Variants in DERA observed in about 807,000 individuals in gnomAD.
DERA encodes 2-deoxy-D-ribose 5-phosphate aldolase.
Under a neutral mutation model 41.1 loss-of-function variants are expected in DERA, and 15 were observed. That is an observed-to-expected ratio of 0.37 (90% CI 0.24 to 0.56). DERA has a LOEUF of 0.56. DERA is among the 20% of genes least tolerant of loss of function. The pLI, the probability that DERA is intolerant of heterozygous loss-of-function variation, is 0.81. For missense variants in DERA, 396 were observed against 403.4 expected (o/e 0.98, Z 0.16); for synonymous variants, 139 against 137.4 (o/e 1.01, Z -0.08).
chr12:16,032,446 C>A, intron 6 of DERA, 96 bp from the exon 7 acceptor site: 2 of 699,736 alleles, frequency 2.9e-6, no homozygotes, highest in Non-Finnish European at 2.3e-6. Flanking sequence ...TGGGTTTCTT[C>A]GGGAAAAAAT....
chr12:15,975,425 A>G (rs7971611), intron 5 of DERA, among the ~76,000 whole-genome samples: 94,774 of 152,006 alleles, frequency 0.62, 29,906 homozygotes, highest in East Asian at 0.82. Context: ...TCAAGCATTG[A>G]TCTTAGGAGC....
At chr12:16,025,539 C>A (rs1325053555) in intron 6 of DERA, among the ~76,000 whole-genome samples, 1 of 151,796 alleles carries the variant, frequency 6.6e-6, no homozygotes, top group Non-Finnish European at 1.5e-5. Context: ...AGCCACAGAG[C>A]ATCAAAATAT....
intron 1 of DERA, among the ~76,000 whole-genome samples, chr12:15,925,044 G>A (rs11056719): frequency 0.095 from 14,387 of 152,150 alleles, 2,271 homozygotes; most frequent in African/African-American, 0.32. Context: ...AAGTTAGAAT[G>A]GCCTTTTACT....
rs1024381832 is a variant in DERA at position 15,965,467 on chromosome 12, A to G, written c.508+2520A>G. 5.9e-5 allele frequency among the ~76,000 whole-genome samples: 9 copies of G among 152,170 alleles called. No homozygotes were observed. Among genetic ancestry groups the G allele is most frequent in the East Asian group, 3.9e-4 (2 of 5,176 alleles). On this transcript the variant is annotated intron_variant, in intron 5 of 8. Coordinates refer to ENST00000428559, the MANE Select transcript of DERA (RefSeq NM_015954.4). The surrounding 1 kb of genome is among the most constrained non-coding windows in gnomAD (Gnocchi z 4.1). The stretch of plus-strand genomic sequence containing the variant: ...CACTACCTGCCTCCACCCTCCCCCA[A>G]CAGGCCCCACTGTGTGTTGTTCCCC...
At position 15,993,532 on chromosome 12, in the gene DERA, A is replaced by G. The variant is rs1948816284; in HGVS notation, c.637+11096A>G. On this transcript the variant is annotated intron_variant, in intron 6 of 8. Transcript: ENST00000428559. The surrounding 1 kb of genome is among the most constrained non-coding windows in gnomAD (Gnocchi z 4.4). Reference sequence around the variant, plus strand: ...GATCTTGCCTTTCATAGGAAAAAGCATTTAATTTATGAAAAGGTATGCTAC... The same window carrying G: ...GATCTTGCCTTTCATAGGAAAAAGCGTTTAATTTATGAAAAGGTATGCTAC... 6.6e-6 allele frequency among the ~76,000 whole-genome samples: 1 copy of G among 150,820 alleles called. No homozygotes were observed. Among genetic ancestry groups the G allele is most frequent in the African/African-American group, 2.4e-5 (1 of 41,044 alleles).
chr12:15,927,151 A>G (rs745592259), intron 1 of DERA, among the ~76,000 whole-genome samples: 1 of 152,238 alleles, frequency 6.6e-6, no homozygotes, highest in African/African-American at 2.4e-5. Context: ...TGAAAGGGAG[A>G]TGCTCTTCAT....
In DERA at chr12:15,957,954, GAAA is replaced by G. The variant is rs886904452; in HGVS notation, c.130-228_130-226del. Among the ~76,000 whole-genome samples, 1 of 151,800 alleles carries G rather than the reference GAAA, an allele frequency of 6.6e-6. No individual in the cohort carries two copies. The highest frequency in any genetic ancestry group is 1.5e-5 in the Non-Finnish European group (1 of 67,938). ...GTTTCAATTTGGGATATCTGTGGGA[GAAA>G]AAAAATGTTTAAGCCTACTCTTCCT... On this transcript the variant is annotated intron_variant, in intron 2 of 8. Coordinates refer to ENST00000428559, the MANE Select transcript of DERA (RefSeq NM_015954.4). This position sits in a 1 kb window ranked among gnomAD's most constrained non-coding sequence, Gnocchi z 4.8.
chr12:16,029,913 CTTTTTTTTTT>C (rs71438364), intron 6 of DERA, among the ~76,000 whole-genome samples: 13 of 59,718 alleles, frequency 2.2e-4, no homozygotes, highest in Non-Finnish European at 3.5e-4. Flanking sequence ...TAGCCTTGGT[CTTTTTTTTTT>C]TTTTTTTTTT....
rs1948651840 is a variant in DERA at position 15,970,403 on chromosome 12, T to C, written c.508+7456T>C. On this transcript the variant is annotated intron_variant, in intron 5 of 8. Transcript: ENST00000428559. This position sits in a 1 kb window ranked among gnomAD's most constrained non-coding sequence, Gnocchi z 4.3. ...TACTTAAATCATAATTTTATACATA[T>C]AAGTTTTATTAACAGAGTTTTTGAT... is the stretch of plus-strand genomic sequence containing the variant. 2.0e-5 allele frequency among the ~76,000 whole-genome samples: 3 copies of C among 152,204 alleles called. No homozygotes were observed.
rs1948552194 is a variant in DERA at position 15,957,872 on chromosome 12, G to T, written c.130-316G>T. ...TTCTTTGTCAGGGTGGCTCTGATGGGCTCTCCCTTTGGCTGAGATGGAGTA... is the reference window on the plus strand; with the variant it reads ...TTCTTTGTCAGGGTGGCTCTGATGGTCTCTCCCTTTGGCTGAGATGGAGTA... On this transcript the variant is annotated intron_variant, in intron 2 of 8. Transcript: ENST00000428559. This position sits in a 1 kb window ranked among gnomAD's most constrained non-coding sequence, Gnocchi z 4.8. Among the ~76,000 whole-genome samples, 1 of 152,134 alleles carries T rather than the reference G, an allele frequency of 6.6e-6. No homozygotes were observed. Among genetic ancestry groups the T allele is most frequent in the Admixed American group, 6.5e-5 (1 of 15,272 alleles).
chr12:16,021,223 G>A lies in DERA; in HGVS notation c.638-11319G>A, dbSNP rs952708713. Among the ~76,000 whole-genome samples the A allele has an allele frequency of 6.6e-6, 1 of 152,170 alleles. No individual in the cohort carries two copies. Among genetic ancestry groups the A allele is most frequent in the African/African-American group, 2.4e-5 (1 of 41,424 alleles). On this transcript the variant is annotated intron_variant, in intron 6 of 8. Coordinates refer to ENST00000428559, the MANE Select transcript of DERA (RefSeq NM_015954.4). This position sits in a 1 kb window ranked among gnomAD's most constrained non-coding sequence, Gnocchi z 5.3. Reference sequence around the variant, plus strand: ...CCTAGGAGGAAAGAATGGTTTTAGGGGACAGGCCCAGAGCCCTACTGCCTT... The same window carrying A: ...CCTAGGAGGAAAGAATGGTTTTAGGAGACAGGCCCAGAGCCCTACTGCCTT...
At chr12:15,986,922 A>G (rs989314528) in intron 6 of DERA, among the ~76,000 whole-genome samples, 1 of 152,056 alleles carries the variant, frequency 6.6e-6, no homozygotes, top group East Asian at 1.9e-4. Context: ...TTTCACCCCC[A>G]TGTTCTAAGG....
chr12:15,997,433 A>G (rs928779102), intron 6 of DERA, among the ~76,000 whole-genome samples: 7 of 152,206 alleles, frequency 4.6e-5, no homozygotes, highest in African/African-American at 1.7e-4. Flanking sequence ...GAAGCAAGAC[A>G]AAGGTTACAT....
At chr12:15,945,249 T>C (rs1296130539) in intron 1 of DERA, among the ~76,000 whole-genome samples, 1 of 152,236 alleles carries the variant, frequency 6.6e-6, no homozygotes, top group Non-Finnish European at 1.5e-5. Flanking sequence ...TCAAGTAGTT[T>C]TTTCCAATTC....
chr12:15,962,030 C>G (rs1314723417), intron 4 of DERA, among the ~76,000 whole-genome samples: 1 of 152,248 alleles, frequency 6.6e-6, no homozygotes, highest in Non-Finnish European at 1.5e-5. Context: ...AGGCAAGAGC[C>G]ACTGTGCCCA....
chr12:15,970,000 A>G (rs1360820237), intron 5 of DERA, among the ~76,000 whole-genome samples: 2 of 152,208 alleles, frequency 1.3e-5, no homozygotes, highest in Non-Finnish European at 2.9e-5. Flanking sequence ...TTCAGATACT[A>G]TTGATAAAAA....
Position 15,956,921 on chromosome 12 carries a change from T to C in DERA, c.32-15T>C. On this transcript the variant is annotated splice_polypyrimidine_tract_variant and intron_variant, in intron 1 of 8. Coordinates refer to ENST00000428559, the MANE Select transcript of DERA (RefSeq NM_015954.4). Reference sequence around the variant, plus strand: ...AAACTTTAGGTTTCAGAAAGTGTTTTTCTGTCTGTTTTAGACCTTAGCTGG... The same window carrying C: ...AAACTTTAGGTTTCAGAAAGTGTTTCTCTGTCTGTTTTAGACCTTAGCTGG... 3.1e-6 allele frequency: 5 copies of C among 1,601,944 alleles called. No homozygotes were observed. The highest frequency in any genetic ancestry group is 3.4e-6 in the Non-Finnish European group (4 of 1,168,942).
At position 15,966,828 on chromosome 12, in the gene DERA, T is replaced by C. The variant is rs1414567689; in HGVS notation, c.508+3881T>C. Reference sequence around the variant, plus strand: ...GACTTTTCCACAACCTTGGTGTGCTTTCCTTTGGAAACGTCATGTCCTTGC... The same window carrying C: ...GACTTTTCCACAACCTTGGTGTGCTCTCCTTTGGAAACGTCATGTCCTTGC... On this transcript the variant is annotated intron_variant, in intron 5 of 8. Coordinates refer to ENST00000428559, the MANE Select transcript of DERA (RefSeq NM_015954.4). The surrounding 1 kb of genome is among the most constrained non-coding windows in gnomAD (Gnocchi z 5.1). 1.3e-5 allele frequency among the ~76,000 whole-genome samples: 2 copies of C among 152,126 alleles called. No individual in the cohort carries two copies. Among genetic ancestry groups the C allele is most frequent in the Non-Finnish European group, 2.9e-5 (2 of 68,018 alleles).
chr12:16,025,869 T>A (rs10846268), intron 6 of DERA, among the ~76,000 whole-genome samples: 130,811 of 152,072 alleles, frequency 0.86, 57,824 homozygotes, highest in Non-Finnish European at 0.97. Context: ...ACCACAATGG[T>A]ACTAAGCTAG....
Sources: allele counts gnomAD v4.1 joint callset (sites outside exome capture counted in the v4.1 genomes callset), GRCh38; gene constraint gnomAD v4.1.1; non-coding constraint Gnocchi (gnomAD v3.1); transcripts MANE v1.5; gene names NCBI Gene and HGNC (gene_info 2026-07-23, HGNC 2026-07-21).